The following GEMIN5 variants were observed in gnomAD, a reference collection of about 807,000 sequenced individuals.
GEMIN5 encodes the protein gem nuclear organelle associated protein 5, also known as gem-associated protein 5.
Under a neutral mutation model 176.9 loss-of-function variants are expected in GEMIN5, and 124 were observed. That is an observed-to-expected ratio of 0.70 (90% CI 0.61 to 0.81). GEMIN5 has a LOEUF of 0.81. GEMIN5 is among the 40% of genes least tolerant of loss of function. The pLI, the probability that GEMIN5 is intolerant of heterozygous loss-of-function variation, is 0.00. For missense variants in GEMIN5, 1,843 were observed against 1,814.6 expected (o/e 1.02, Z -0.28); for synonymous variants, 673 against 665.2 (o/e 1.01, Z -0.18).
At chr5:154,901,285 A>T in intron 21 of GEMIN5, 54 bp downstream of exon 21, 6 of 1,486,730 alleles carry the variant, frequency 4.0e-6, no homozygotes, top group Non-Finnish European at 5.6e-6. Flanking sequence ...AGAGAAGTTT[A>T]GGTTATTTTC....
intron 15 of GEMIN5, among the ~76,000 whole-genome samples, 190 bp downstream of exon 15, chr5:154,911,537 C>T (rs1050020794): frequency 6.6e-5 from 10 of 152,102 alleles, no homozygotes; most frequent in African/African-American, 2.4e-4. Context: ...GATCTGAGTG[C>T]TAGGTATGCT....
chr5:154,924,849 C>T (rs1213511196), intron 8 of GEMIN5, among the ~76,000 whole-genome samples: 2 of 151,704 alleles, frequency 1.3e-5, no homozygotes, highest in African/African-American at 2.4e-5. Context: ...ATTAGCCAGG[C>T]GTGGTGGCGG....
intron 5 of GEMIN5, among the ~76,000 whole-genome samples, chr5:154,930,541 C>A (rs1430508081): frequency 6.6e-6 from 1 of 152,142 alleles, no homozygotes; most frequent in Non-Finnish European, 1.5e-5. Context: ...CATACGGTAC[C>A]AACATCAATG....
At chr5:154,902,097 C>G (rs1763477863) in intron 20 of GEMIN5, among the ~76,000 whole-genome samples, 1 of 152,076 alleles carries the variant, frequency 6.6e-6, no homozygotes. Flanking sequence ...TCAGGAATCA[C>G]CACACCCAGC....
chr5:154,900,400 C>A (rs183783604), intron 21 of GEMIN5, among the ~76,000 whole-genome samples: 74 of 152,312 alleles, frequency 4.9e-4, no homozygotes, highest in African/African-American at 1.7e-3. Flanking sequence ...GATGGAGTAA[C>A]TGGGACCAGA....
chr5:154,888,141 G>T lies in GEMIN5; in HGVS notation c.*69C>A. ...AGGGACCAGAGTGAATGTCTGGTGA[G>T]GCATAACTGCAGAGGTGAAAGATGT... On this transcript the variant is annotated 3_prime_UTR_variant, in exon 28 of 28. Transcript: ENST00000285873. The T allele has an allele frequency of 7.2e-7, 1 of 1,386,660 alleles. No homozygotes were observed. The highest frequency in any genetic ancestry group is 1.0e-6 in the Non-Finnish European group (1 of 975,326). The allele number at this position is 1,386,660 out of a possible 1,614,324, so 85.9% of individuals were successfully genotyped here.
intron 15 of GEMIN5, among the ~76,000 whole-genome samples, chr5:154,909,990 A>AG (rs1763662434): frequency 6.6e-6 from 1 of 151,444 alleles, no homozygotes; most frequent in South Asian, 2.1e-4. Flanking sequence ...AGAAAAAAAA[A>AG]AAAGAATTTC....
intron 21 of GEMIN5, among the ~76,000 whole-genome samples, chr5:154,900,089 T>A (rs1763433464): frequency 2.0e-5 from 3 of 152,256 alleles, no homozygotes; most frequent in South Asian, 4.1e-4. Flanking sequence ...CTAGCAAAAA[T>A]TAGAATTTTA....
rs367650268 is a variant in GEMIN5 at position 154,899,284 on chromosome 5, C to T, written c.3041G>A (p.Arg1014Gln). ...CAGGACTGGGTCCTCCGGGCGCAGC[C>T]GGGCCTTGGCAATCGCAATAGCTTC... ...YREAIAIAKA[R>Q]LRPEDPVLKD... Residue 1014 changes from arginine to glutamine, a missense_variant, in exon 22 of 28, where the codon CGG (arginine) becomes CAG (glutamine). Coordinates refer to ENST00000285873, the MANE Select transcript of GEMIN5 (RefSeq NM_015465.5). 48 of 1,611,532 alleles carry T rather than the reference C, an allele frequency of 3.0e-5. No homozygotes were observed. The highest frequency in any genetic ancestry group is 3.3e-5 in the South Asian group (3 of 90,318).
Position 154,904,602 on chromosome 5 carries a change from C to G in GEMIN5, c.2537G>C (p.Arg846Pro), listed in dbSNP as rs372761872. The G allele has an allele frequency of 1.6e-5, 25 of 1,611,556 alleles. No homozygotes were observed. The highest frequency in any genetic ancestry group is 1.9e-5 in the Non-Finnish European group (22 of 1,177,776). The change falls in exon 18 of 28, where the codon CGT becomes CCT. Residue 846 changes from arginine (R) to proline (P), a missense_variant. Coordinates refer to ENST00000285873, the MANE Select transcript of GEMIN5 (RefSeq NM_015465.5). ...PETLIKKRKARSLLPLSTSLD... is the reference protein window; with the variant it reads ...PETLIKKRKAPSLLPLSTSLD... Reference sequence around the variant, plus strand: ...GCTTGTACTCAGGGGAAGCAAGGAACGAGCTTTTCTCTTCTTGATTAAGGT... The same window carrying G: ...GCTTGTACTCAGGGGAAGCAAGGAAGGAGCTTTTCTCTTCTTGATTAAGGT...
chr5:154,910,439 G>C (rs917557812), intron 15 of GEMIN5, among the ~76,000 whole-genome samples: 1 of 151,974 alleles, frequency 6.6e-6, no homozygotes, highest in Non-Finnish European at 1.5e-5. Flanking sequence ...GAGTGAGCCA[G>C]CATGCTTGGC....
At chr5:154,925,144 C>G (rs921152450) in intron 8 of GEMIN5, among the ~76,000 whole-genome samples, 38 of 151,788 alleles carry the variant, frequency 2.5e-4, no homozygotes, top group Non-Finnish European at 4.3e-4. Context: ...AGTTCAAATA[C>G]GTAAATGATA....
chr5:154,911,423 G>A (rs1016075116), intron 15 of GEMIN5, among the ~76,000 whole-genome samples: 1 of 152,170 alleles, frequency 6.6e-6, no homozygotes, highest in Admixed American at 6.5e-5. Flanking sequence ...CAAGGTGCGA[G>A]AATTGCTTTA....
chr5:154,893,397 T>A (rs1763280884), intron 24 of GEMIN5, among the ~76,000 whole-genome samples: 2 of 149,614 alleles, frequency 1.3e-5, no homozygotes, highest in Non-Finnish European at 3.0e-5. Flanking sequence ...CGAGCCTGGG[T>A]GACAGAGTGA....
At chr5:154,928,741 G>C in intron 5 of GEMIN5, 82 bp from the exon 6 acceptor site, 1 of 1,249,080 alleles carries the variant, frequency 8.0e-7, no homozygotes, top group Non-Finnish European at 1.2e-6. Context: ...ATAACACACA[G>C]TCTGCGCTGT....
rs1467080174 is a variant in GEMIN5 at position 154,907,740 on chromosome 5, A to G, written c.2246T>C (p.Leu749Ser). 6.2e-7 allele frequency: 1 copy of G among 1,614,132 alleles called. No individual in the cohort carries two copies. The highest frequency in any genetic ancestry group is 1.7e-5 in the Admixed American group (1 of 60,010). Residue 749 changes from leucine to serine, a missense_variant, in exon 16 of 28, where the codon TTG (leucine) becomes TCG (serine). Leu to Ser is a moderately radical substitution (Grantham distance 145, BLOSUM62 -2). Transcript: ENST00000285873. Reference protein sequence around the residue: ...AKPKKKKKPTLRTPVKLESID... With the variant: ...AKPKKKKKPTSRTPVKLESID... ...CGATTCCAGCTTTACAGGAGTTCTC[A>G]AGGTGGGCTTTTTCTTCTTTTTGGG...
intron 3 of GEMIN5, among the ~76,000 whole-genome samples, chr5:154,934,313 A>G (rs1237730540): frequency 1.3e-5 from 2 of 152,050 alleles, no homozygotes; most frequent in East Asian, 3.8e-4. Flanking sequence ...CAGCCTCCCT[A>G]GTAGCTGGGA....
In GEMIN5 at chr5:154,892,548, A is replaced by G; in HGVS notation, c.3599T>C (p.Leu1200Pro). 6.2e-7 allele frequency: 1 copy of G among 1,613,322 alleles called. No individual in the cohort carries two copies. The highest frequency in any genetic ancestry group is 1.1e-5 in the South Asian group (1 of 91,006). ...SATNNTPAKQ[L>P]LLHICHDLTL... ...CAAGTCATGGCAAATGTGAAGCAGG[A>G]GCTGGAGAGAGAAGCCAGAGTCTGA... The change falls in exon 25 of 28, where the codon CTC becomes CCC. Residue 1200 changes from leucine (L) to proline (P), a missense_variant and splice_region_variant. Physicochemically the swap from Leu to Pro is moderately conservative, Grantham distance 98. Transcript: ENST00000285873.
chr5:154,930,450 A>G (rs1764137582), intron 5 of GEMIN5, among the ~76,000 whole-genome samples: 1 of 152,240 alleles, frequency 6.6e-6, no homozygotes, highest in Admixed American at 6.5e-5. Flanking sequence ...TATTTATAAC[A>G]AGTGGATGAG....
Sources: allele counts gnomAD v4.1 joint callset (sites outside exome capture counted in the v4.1 genomes callset), GRCh38; gene constraint gnomAD v4.1.1; transcripts MANE v1.5; gene names NCBI Gene and HGNC (gene_info 2026-07-23, HGNC 2026-07-21).